Variants in SOAT1 observed in about 807,000 individuals in gnomAD.
SOAT1 encodes the protein sterol O-acyltransferase 1.
A neutral mutation model predicts 69.5 loss-of-function variants in SOAT1; 55 were observed. The ratio of observed to expected loss-of-function variants is 0.79; its 90% CI spans 0.64 to 0.99. The LOEUF (loss-of-function observed/expected upper bound fraction) is 0.99, where lower values mean the gene tolerates loss of function less well. Ranked by LOEUF, SOAT1 falls within the 50% of genes least tolerant of loss-of-function variation. SOAT1 has a pLI of 0.00. For synonymous variants in SOAT1, 231 were observed against 224.7 expected (o/e 1.03, Z -0.25); for missense variants, 580 against 669.3 (o/e 0.87, Z 1.47).
intron 2 of SOAT1, among the ~76,000 whole-genome samples, chr1:179,308,670 CAAAAAAAAAA>C (rs552539528): frequency 2.0e-5 from 2 of 99,316 alleles, no homozygotes; most frequent in Non-Finnish European, 3.8e-5. Context: ...AGACTCCGTC[CAAAAAAAAAA>C]AAAAAAAGAT....
At chr1:179,303,844 C>A (rs1442190407) in intron 2 of SOAT1, among the ~76,000 whole-genome samples, 2 of 152,186 alleles carry the variant, frequency 1.3e-5, no homozygotes, top group Non-Finnish European at 1.5e-5. Flanking sequence ...CAGTTTGTTT[C>A]CCTTGCCTGC....
intron 3 of SOAT1, among the ~76,000 whole-genome samples, chr1:179,329,443 G>A (rs1665899394): frequency 6.6e-6 from 1 of 152,058 alleles, no homozygotes; most frequent in Non-Finnish European, 1.5e-5. Flanking sequence ...ATAAGTTTTT[G>A]GTCCGGTCAT....
intron 13 of SOAT1, among the ~76,000 whole-genome samples, chr1:179,349,417 T>A (rs1311412935): frequency 4.7e-5 from 7 of 148,036 alleles, no homozygotes; most frequent in Non-Finnish European, 1.0e-4. Flanking sequence ...AACCTCCTCC[T>A]CCCGGGTTCA....
At chr1:179,294,759 C>T (rs1156428645) in intron 1 of SOAT1, among the ~76,000 whole-genome samples, 1 of 152,218 alleles carries the variant, frequency 6.6e-6, no homozygotes, top group Non-Finnish European at 1.5e-5. Context: ...TCTCAAACTC[C>T]TGACCTCAAG....
In SOAT1 at chr1:179,351,021, C is replaced by CTTTTTT. The variant is rs201449849; in HGVS notation, c.1451-262_1451-257dup. Among the ~76,000 whole-genome samples the CTTTTTT allele has an allele frequency of 2.8e-4, 36 of 127,552 alleles. 2 individuals carry two copies. The highest frequency in any genetic ancestry group is 5.0e-4 in the South Asian group (2 of 4,034). 83.7% of individuals were successfully genotyped at this position (127,552 alleles called of 152,430 possible). ...TGTTTTGATACCTGTATATTTCTTTCTTTTTTTTTTTTTTTTTTTTTTTTT... is the reference window on the plus strand; with the variant it reads ...TGTTTTGATACCTGTATATTTCTTTCTTTTTTTTTTTTTTTTTTTTTTTTTTTTTTT... On this transcript the variant is annotated intron_variant, in intron 14 of 15. Coordinates refer to ENST00000367619, the MANE Select transcript of SOAT1 (RefSeq NM_003101.6).
At chr1:179,307,077 A>G (rs1665034009) in intron 2 of SOAT1, among the ~76,000 whole-genome samples, 1 of 152,184 alleles carries the variant, frequency 6.6e-6, no homozygotes, top group African/African-American at 2.4e-5. Context: ...ATACCTCAAA[A>G]TGAAGACATC....
intron 3 of SOAT1, among the ~76,000 whole-genome samples, chr1:179,331,273 G>A (rs1344793493): frequency 6.6e-6 from 1 of 152,128 alleles, no homozygotes; most frequent in African/African-American, 2.4e-5. Flanking sequence ...TGTTGCCCTC[G>A]AATGTTTAGC....
chr1:179,305,209 G>A (rs958819350), intron 2 of SOAT1, among the ~76,000 whole-genome samples: 1 of 152,106 alleles, frequency 6.6e-6, no homozygotes, highest in African/African-American at 2.4e-5. Context: ...TGGCCTTTGT[G>A]TGTGGCTGCT....
At chr1:179,332,299 C>T (rs1665998987) in intron 3 of SOAT1, among the ~76,000 whole-genome samples, 1 of 152,236 alleles carries the variant, frequency 6.6e-6, no homozygotes, top group East Asian at 1.9e-4. Flanking sequence ...CTTAAAATGG[C>T]TTAAAGGTCC....
At chr1:179,325,301 C>G (rs186506130) in intron 3 of SOAT1, among the ~76,000 whole-genome samples, 82 of 151,510 alleles carry the variant, frequency 5.4e-4, no homozygotes, top group African/African-American at 1.9e-3. Context: ...AGGTGCCCAC[C>G]ACCATGCCCG....
rs1359253298 is a variant in SOAT1 at position 179,351,446 on chromosome 1, A to C, written c.1580A>C (p.His527Pro). The C allele has an allele frequency of 1.9e-6, 3 of 1,612,866 alleles. No individual in the cohort carries two copies. Among genetic ancestry groups the C allele is most frequent in the Non-Finnish European group, 2.5e-6 (3 of 1,179,700 alleles). ...FYSQEWYARQ[H>P]CPLKNPTFLD... is the part of the protein sequence containing the mutation. The stretch of plus-strand genomic sequence containing the variant: ...TCTCAAGAATGGTATGCACGTCAGC[A>C]CTGTCCTCTGAAAAATGTGAGTCAC... Residue 527 changes from histidine to proline, a missense_variant, in exon 15 of 16, where the codon CAC (histidine) becomes CCC (proline). Transcript: ENST00000367619.
chr1:179,308,037 A>T (rs111329021), intron 2 of SOAT1, among the ~76,000 whole-genome samples: 1 of 151,930 alleles, frequency 6.6e-6, no homozygotes, highest in African/African-American at 2.4e-5. Flanking sequence ...TGATCCACCC[A>T]CCTCGGCCTC....
rs41308413 is a variant in SOAT1, at chr1:179,357,215, T to C, written c.*3574T>C. On this transcript the variant is annotated 3_prime_UTR_variant, in exon 16 of 16. Transcript: ENST00000367619. Reference sequence around the variant, plus strand: ...GGAATAAAGTGAATGTTTTGTTTGTTTGTTTGTTTTGAGACGGAGTCTCAG... The same window carrying C: ...GGAATAAAGTGAATGTTTTGTTTGTCTGTTTGTTTTGAGACGGAGTCTCAG... 0.097 allele frequency: 15,519 copies of C among 160,198 alleles called. 1,167 individuals carry two copies. The highest frequency in any genetic ancestry group is 0.4 in the East Asian group (2,111 of 5,336). 9.9% of individuals were successfully genotyped at this position (160,198 alleles called of 1,614,324 possible).
intron 15 of SOAT1, among the ~76,000 whole-genome samples, chr1:179,353,334 C>T (rs915472266): frequency 6.8e-6 from 1 of 147,614 alleles, no homozygotes; most frequent in African/African-American, 2.5e-5. Flanking sequence ...GGTCAAAGTC[C>T]ACACAATTGT....
intron 3 of SOAT1, among the ~76,000 whole-genome samples, chr1:179,331,894 A>G (rs1205464580): frequency 2.0e-5 from 3 of 152,222 alleles, no homozygotes; most frequent in Admixed American, 2.0e-4. Flanking sequence ...CTGTGCAAAG[A>G]CAGGCAGCAA....
intron 15 of SOAT1, among the ~76,000 whole-genome samples, 180 bp downstream of exon 15, chr1:179,351,642 T>G (rs1666738180): frequency 6.6e-6 from 1 of 152,096 alleles, no homozygotes; most frequent in Non-Finnish European, 1.5e-5. Context: ...AAGTTTTTCC[T>G]TTTGTTTAGT....
Position 179,350,334 on chromosome 1 carries a change from T to C in SOAT1, c.1353T>C (p.Ala451=). ...GATTCAAATCTGCTGCCATGTTAGC[T>C]GTCTTTGCTGTATCTGCTGTAGTAC... The part of the protein sequence containing the change: ...SKRFKSAAML[A]VFAVSAVVHE... Residue 451 remains alanine, a synonymous_variant, in exon 14 of 16, where the codon GCT becomes GCC. Coordinates refer to ENST00000367619, the MANE Select transcript of SOAT1 (RefSeq NM_003101.6). The C allele has an allele frequency of 6.2e-7, 1 of 1,613,932 alleles. No homozygotes were observed. The highest frequency in any genetic ancestry group is 8.5e-7 in the Non-Finnish European group (1 of 1,179,904).
intron 1 of SOAT1, among the ~76,000 whole-genome samples, chr1:179,295,636 A>G (rs1047139988): frequency 6.6e-6 from 1 of 152,234 alleles, no homozygotes; most frequent in Admixed American, 6.5e-5. Context: ...AACAGAGTAC[A>G]ATAAGACATT....
chr1:179,336,593 C>T, intron 4 of SOAT1, among the ~76,000 whole-genome samples: 1 of 152,018 alleles, frequency 6.6e-6, no homozygotes, highest in East Asian at 1.9e-4. Flanking sequence ...ATAACTGTAG[C>T]TATCCGCATG....
Sources: allele counts gnomAD v4.1 joint callset (sites outside exome capture counted in the v4.1 genomes callset), GRCh38; gene constraint gnomAD v4.1.1; transcripts MANE v1.5; gene names NCBI Gene and HGNC (gene_info 2026-07-23, HGNC 2026-07-21).